COBL: variants seen among roughly 807,000 people sequenced by gnomAD.
COBL encodes the protein cordon-bleu WH2 repeat protein, also known as protein cordon-bleu.
Under a neutral mutation model 98.8 loss-of-function variants are expected in COBL, and 51 were observed. The ratio of observed to expected loss-of-function variants is 0.52; its 90% CI spans 0.41 to 0.65. COBL has a LOEUF of 0.65. COBL is among the 30% of genes least tolerant of loss of function. COBL has a pLI of 0.00. For missense variants in COBL, 1,617 were observed against 1,617.5 expected, an observed-to-expected ratio of 1.00 and a Z score of 0.01; for synonymous variants, 634 against 651.7, an observed-to-expected ratio of 0.97 and a Z score of 0.41.
At chr7:51,074,668 C>T (rs1376166705) in intron 7 of COBL, among the ~76,000 whole-genome samples, 1 of 152,172 alleles carries the variant, frequency 6.6e-6, no homozygotes, top group Non-Finnish European at 1.5e-5. Flanking sequence ...TTATTTGCAT[C>T]AGCTTAGGGC....
At chr7:51,298,841 T>C (rs970837333) in intron 1 of COBL, among the ~76,000 whole-genome samples, 2 of 152,186 alleles carry the variant, frequency 1.3e-5, no homozygotes, top group African/African-American at 4.8e-5. Context: ...CTACAGTGCC[T>C]TTGTCTGAGC....
chr7:51,290,279 A>G (rs991640226), intron 1 of COBL, among the ~76,000 whole-genome samples: 3 of 152,238 alleles, frequency 2.0e-5, no homozygotes, highest in East Asian at 3.9e-4. Flanking sequence ...GTGTGCCATC[A>G]GCACATCTAA....
At chr7:51,158,298 G>A (rs1786397811) in intron 5 of COBL, among the ~76,000 whole-genome samples, 1 of 152,126 alleles carries the variant, frequency 6.6e-6, no homozygotes, top group East Asian at 1.9e-4. Flanking sequence ...TCAAAAAGGA[G>A]AAGAGACCCT....
chr7:51,159,862 G>T (rs1173765520), intron 5 of COBL, among the ~76,000 whole-genome samples: 1 of 152,152 alleles, frequency 6.6e-6, no homozygotes, highest in Non-Finnish European at 1.5e-5. Flanking sequence ...GTTTGCATTA[G>T]AGATCATATG....
At chr7:51,310,068 A>G (rs1439621890) in intron 1 of COBL, among the ~76,000 whole-genome samples, 7 of 152,238 alleles carry the variant, frequency 4.6e-5, no homozygotes, top group Admixed American at 4.6e-4. Flanking sequence ...TGGCAAATCC[A>G]AAGGCTGGAG....
At chr7:51,291,687 G>A (rs144608113) in intron 1 of COBL, among the ~76,000 whole-genome samples, 2 of 152,224 alleles carry the variant, frequency 1.3e-5, no homozygotes, top group East Asian at 3.9e-4. Flanking sequence ...CTTGAACCCA[G>A]GAAGTGGAGG....
chr7:51,230,266 C>T (rs1312953667), intron 1 of COBL, among the ~76,000 whole-genome samples: 3 of 152,208 alleles, frequency 2.0e-5, no homozygotes, highest in African/African-American at 4.8e-5. Context: ...CTAGGCCTAA[C>T]AACACCCAAT....
At chr7:51,176,682 ATAAACT>A (rs1008166666) in intron 5 of COBL, among the ~76,000 whole-genome samples, 10 of 152,358 alleles carry the variant, frequency 6.6e-5, no homozygotes, top group Non-Finnish European at 1.0e-4. Context: ...TATGAGACAG[ATAAACT>A]TTAACTTGTT....
intron 1 of COBL, among the ~76,000 whole-genome samples, chr7:51,229,696 C>T (rs1794553475): frequency 6.6e-6 from 1 of 152,160 alleles, no homozygotes; most frequent in Non-Finnish European, 1.5e-5. Flanking sequence ...TTTTTCTTCT[C>T]TTATCCCCCA....
At chr7:51,105,333 G>T (rs1796162552) in intron 6 of COBL, among the ~76,000 whole-genome samples, 1 of 152,206 alleles carries the variant, frequency 6.6e-6, no homozygotes, top group African/African-American at 2.4e-5. Context: ...GCAGCAGCCT[G>T]CCTGCCCTGC....
rs1424465944 is a variant in COBL at position 51,018,906 on chromosome 7, ATATATATATATATATATATATATAT to A, written c.3769-1363_3769-1339del. On this transcript the variant is annotated intron_variant, in intron 12 of 12. Transcript: ENST00000265136. The stretch of plus-strand genomic sequence containing the variant: ...AACTCCATCTCAAAAAAAAAAAAAA[ATATATATATATATATATATATATAT>A]ATATATATATATATATATATATGAT... Among the ~76,000 whole-genome samples, 14 of 33,804 alleles carry A rather than the reference ATATATATATATATATATATATATAT, an allele frequency of 4.1e-4. 2 individuals are homozygous for A. The highest frequency in any genetic ancestry group is 9.3e-4 in the African/African-American group (11 of 11,790). The allele number at this position is 33,804 out of a possible 152,430, so 22.2% of individuals were successfully genotyped here. A position where few individuals can be genotyped will look rare whatever the true frequency, so the allele number is the denominator to read the frequency against.
chr7:51,221,336 A>G (rs1793619203), intron 1 of COBL, among the ~76,000 whole-genome samples: 2 of 152,212 alleles, frequency 1.3e-5, no homozygotes, highest in Non-Finnish European at 2.9e-5. Flanking sequence ...TACTCTAAAC[A>G]ATCCCACAAG....
At chr7:51,147,753 CTTT>C (rs565075669) in intron 5 of COBL, among the ~76,000 whole-genome samples, 7 of 140,488 alleles carry the variant, frequency 5.0e-5, no homozygotes, top group Admixed American at 7.2e-5. Context: ...TTTTTCTTTT[CTTT>C]TTTTTTTTTT....
At chr7:51,222,287 C>T (rs915864306) in intron 1 of COBL, among the ~76,000 whole-genome samples, 5 of 152,024 alleles carry the variant, frequency 3.3e-5, no homozygotes, top group African/African-American at 1.2e-4. Flanking sequence ...CTTATACTTA[C>T]AATATTTATA....
intron 7 of COBL, among the ~76,000 whole-genome samples, chr7:51,084,292 A>G (rs544065542): frequency 9.2e-5 from 14 of 152,126 alleles, no homozygotes; most frequent in Admixed American, 2.6e-4. Flanking sequence ...GGGCAAAGGC[A>G]AAACGCGGGG....
intron 1 of COBL, among the ~76,000 whole-genome samples, chr7:51,266,795 T>A (rs1283855779): frequency 3.3e-5 from 5 of 152,108 alleles, no homozygotes; most frequent in Non-Finnish European, 7.4e-5. Context: ...TATGGACACC[T>A]AGACCAAGAA....
intron 5 of COBL, among the ~76,000 whole-genome samples, chr7:51,146,140 T>C (rs1401918560): frequency 6.6e-6 from 1 of 152,232 alleles, no homozygotes; most frequent in Non-Finnish European, 1.5e-5. Flanking sequence ...CTGAGCAGCA[T>C]CTGTGCAAGA....
chr7:51,109,683 A>C (rs1419104459), intron 6 of COBL, among the ~76,000 whole-genome samples: 1 of 152,188 alleles, frequency 6.6e-6, no homozygotes, highest in East Asian at 1.9e-4. Context: ...TACTAAAAAA[A>C]CTGACTACAT....
intron 7 of COBL, among the ~76,000 whole-genome samples, chr7:51,082,297 G>C (rs1410356725): frequency 6.6e-6 from 1 of 152,192 alleles, no homozygotes; most frequent in Non-Finnish European, 1.5e-5. Context: ...TGCTTTATCA[G>C]AAGTGTCGCC....
Sources: gnomAD v4.1 joint callset for allele counts (sites outside exome capture counted in the v4.1 genomes callset) on GRCh38, gnomAD v4.1.1 for gene constraint, MANE v1.5 for transcripts, NCBI Gene and HGNC (gene_info 2026-07-23, HGNC 2026-07-21) for gene names.